MARCHF11: variants seen among roughly 807,000 people sequenced by gnomAD.
MARCHF11 encodes the protein E3 ubiquitin-protein ligase MARCHF11.
MARCHF11 carries 29 observed loss-of-function variants against 37.3 expected under a neutral mutation model. That is an observed-to-expected ratio of 0.78 (90% confidence interval 0.58 to 1.06). The LOEUF (loss-of-function observed/expected upper bound fraction) is 1.06. Among genes scored for constraint, MARCHF11 ranks in the 50% least tolerant of loss-of-function variants. The pLI is 0.00. For missense variants in MARCHF11, 482 were observed against 533.4 expected (o/e 0.90, Z 0.95); for synonymous variants, 233 against 228.0 (o/e 1.02, Z -0.20).
intron 2 of MARCHF11, among the ~76,000 whole-genome samples, chr5:16,149,044 T>A (rs112763026): frequency 0.025 from 3,788 of 152,022 alleles, 119 homozygotes; most frequent in African/African-American, 0.066. Context: ...CTGTAGAGAG[T>A]TCCAAGAACA....
chr5:16,106,477 C>A (rs1005677158), intron 2 of MARCHF11, among the ~76,000 whole-genome samples: 1 of 152,192 alleles, frequency 6.6e-6, no homozygotes, highest in African/African-American at 2.4e-5. Flanking sequence ...TGGCCCAATG[C>A]CATGGTAGCA....
At chr5:16,178,993 G>A in intron 1 of MARCHF11, 46 bp downstream of exon 1, 4 of 1,370,708 alleles carry the variant, frequency 2.9e-6, no homozygotes, top group East Asian at 6.2e-5. Flanking sequence ...TGACCGGCGC[G>A]AGCTGGAGCC....
intron 2 of MARCHF11, among the ~76,000 whole-genome samples, chr5:16,172,081 A>G (rs1317581884): frequency 6.6e-6 from 1 of 152,206 alleles, no homozygotes; most frequent in Non-Finnish European, 1.5e-5. Context: ...ACAATGCCCT[A>G]AATGACCTTT....
At chr5:16,080,795 T>C (rs1002515122) in intron 3 of MARCHF11, among the ~76,000 whole-genome samples, 1 of 152,230 alleles carries the variant, frequency 6.6e-6, no homozygotes, top group Admixed American at 6.5e-5. Context: ...GTTATTATAA[T>C]ATTTCTCACT....
intron 2 of MARCHF11, among the ~76,000 whole-genome samples, chr5:16,166,179 CTTTTGTTT>C (rs1442208126): frequency 6.6e-6 from 1 of 151,946 alleles, no homozygotes; most frequent in African/African-American, 2.4e-5. Flanking sequence ...ATACCCAATC[CTTTTGTTT>C]TTTGAGCACT....
chr5:16,134,411 A>C (rs1022249998), intron 2 of MARCHF11, among the ~76,000 whole-genome samples: 1 of 152,124 alleles, frequency 6.6e-6, no homozygotes, highest in African/African-American at 2.4e-5. Flanking sequence ...GCGTGCTGCC[A>C]TGCGATGACA....
At chr5:16,094,234 G>A (rs1250117657) in intron 2 of MARCHF11, among the ~76,000 whole-genome samples, 2 of 152,102 alleles carry the variant, frequency 1.3e-5, no homozygotes, top group South Asian at 2.1e-4. Context: ...TTCTGCCTTC[G>A]ACCAGTAGAA....
intron 3 of MARCHF11, among the ~76,000 whole-genome samples, chr5:16,070,787 A>G (rs550320797): frequency 9.3e-4 from 142 of 152,276 alleles, no homozygotes; most frequent in African/African-American, 3.2e-3. Flanking sequence ...CCAGCTCCCT[A>G]GGCTGCTTTT....
chr5:16,085,046 T>C (rs1285958451), intron 3 of MARCHF11, among the ~76,000 whole-genome samples: 3 of 152,030 alleles, frequency 2.0e-5, no homozygotes, highest in African/African-American at 7.3e-5. Context: ...ATGCTTGTGC[T>C]TTGAGAAATA....
intron 2 of MARCHF11, among the ~76,000 whole-genome samples, chr5:16,158,268 T>C (rs1366948960): frequency 1.3e-5 from 2 of 151,858 alleles, no homozygotes; most frequent in African/African-American, 2.4e-5. Flanking sequence ...AGTATGATGG[T>C]TACCCCAAAA....
chr5:16,144,165 T>C (rs78855634), intron 2 of MARCHF11, among the ~76,000 whole-genome samples: 1,973 of 152,290 alleles, frequency 0.013, 47 homozygotes, highest in African/African-American at 0.045. Context: ...CTAACACATA[T>C]GAAAGCACTT....
chr5:16,090,734 A>T (rs1262368774), intron 3 of MARCHF11, among the ~76,000 whole-genome samples, 155 bp downstream of exon 3: 2 of 151,806 alleles, frequency 1.3e-5, no homozygotes, highest in Non-Finnish European at 2.9e-5. Flanking sequence ...TTTCTTAGAA[A>T]AGCAGCCCAA....
Position 16,090,816 on chromosome 5 carries a change from G to A in MARCHF11, c.886+73C>T, listed in dbSNP as rs1392226522. On this transcript the variant is annotated intron_variant, in intron 3 of 3. Transcript: ENST00000332432. ...ATCCACAACATTCTCTATTAGATCCGAATGGTGAAAACGTAATCGCTGAAA... is the reference window on the plus strand; with the variant it reads ...ATCCACAACATTCTCTATTAGATCCAAATGGTGAAAACGTAATCGCTGAAA... 8.3e-6 allele frequency: 10 copies of A among 1,205,448 alleles called. No homozygotes were observed. The South Asian group carries it at 1.4e-4, about 17-fold the overall frequency. The allele number at this position is 1,205,448 out of a possible 1,614,324, so 74.7% of individuals were successfully genotyped here. A position where few individuals can be genotyped will look rare whatever the true frequency, so the allele number is the denominator to read the frequency against.
intron 2 of MARCHF11, among the ~76,000 whole-genome samples, chr5:16,150,834 A>G (rs1403131658): frequency 6.6e-6 from 1 of 152,010 alleles, no homozygotes; most frequent in East Asian, 1.9e-4. Flanking sequence ...TCCATAACTT[A>G]TATTAATTCT....
rs559187557 is a variant in MARCHF11, at chr5:16,070,247, C to T, written c.887-2454G>A. On this transcript the variant is annotated intron_variant, in intron 3 of 3. Transcript: ENST00000332432. ...CCCCATGGTCAATAATTTAACATTT[C>T]GGGTTCAATTTTTCCTCCTTAAAAT... Among the ~76,000 whole-genome samples, 12 of 152,172 alleles carry T rather than the reference C, an allele frequency of 7.9e-5. No individual in the cohort carries two copies. The East Asian group carries it at 1.2e-3, about 15-fold the overall frequency.
At chr5:16,171,701 C>A (rs1006196107) in intron 2 of MARCHF11, among the ~76,000 whole-genome samples, 1 of 152,196 alleles carries the variant, frequency 6.6e-6, no homozygotes, top group South Asian at 2.1e-4. Context: ...TCCTGTCTGA[C>A]CCTGTAGAGG....
chr5:16,146,480 T>C (rs937527146), intron 2 of MARCHF11, among the ~76,000 whole-genome samples: 1 of 152,184 alleles, frequency 6.6e-6, no homozygotes, highest in South Asian at 2.1e-4. Context: ...TAGAGTTCTC[T>C]CTGATTCATC....
Position 16,111,161 on chromosome 5 carries a change from T to C in MARCHF11, c.694-20080A>G, listed in dbSNP as rs189826907. Among the ~76,000 whole-genome samples the C allele has an allele frequency of 7.2e-5, 11 of 152,292 alleles. No individual in the cohort carries two copies. In the East Asian group the frequency reaches 2.1e-3, roughly 29 times the overall value. ...ACAGACTAATACAGTAAATTGGTAC[T>C]GGTAGAGTGGGGTGCTGCTGTAAAG... On this transcript the variant is annotated intron_variant, in intron 2 of 3. Transcript: ENST00000332432.
chr5:16,156,278 T>C (rs1737976679), intron 2 of MARCHF11, among the ~76,000 whole-genome samples: 1 of 151,900 alleles, frequency 6.6e-6, no homozygotes, highest in Non-Finnish European at 1.5e-5. Context: ...AAATGAGCTC[T>C]CTTACTTCTA....
Sources: gnomAD v4.1 joint callset for allele counts (sites outside exome capture counted in the v4.1 genomes callset) on GRCh38, gnomAD v4.1.1 for gene constraint, MANE v1.5 for transcripts, NCBI Gene and HGNC (gene_info 2026-07-23, HGNC 2026-07-21) for gene names.